Variants in GLYATL1 observed in about 807,000 individuals in gnomAD.
GLYATL1 encodes the protein glycine N-acyltransferase-like protein 1.
Under a neutral mutation model 20.0 loss-of-function variants are expected in GLYATL1, and 15 were observed. That is an observed-to-expected ratio of 0.75 (90% CI 0.50 to 1.15). The LOEUF (loss-of-function observed/expected upper bound fraction) is 1.15. Ranked by LOEUF, GLYATL1 falls within the 50% of genes most tolerant of loss-of-function variation. The pLI is 0.00. For missense variants in GLYATL1, 380 were observed against 368.5 expected, an observed-to-expected ratio of 1.03 and a Z score of -0.26; for synonymous variants, 151 against 131.5, an observed-to-expected ratio of 1.15 and a Z score of -1.01.
intron 1 of GLYATL1, among the ~76,000 whole-genome samples, chr11:58,932,110 CAAAAAAAAAA>C (rs5792141): frequency 1.6e-5 from 1 of 61,494 alleles, no homozygotes; most frequent in African/African-American, 7.1e-5. Context: ...GACCCCTTCT[CAAAAAAAAAA>C]AAAAAAAAAA....
chr11:58,956,029 CAATG>C lies in GLYATL1; in HGVS notation c.*5_*8del. The stretch of plus-strand genomic sequence containing the variant: ...CCACAGAATCTAGTTCCATTTTAGA[CAATG>C]AAGCTGCTTAGTAATCTCTGCCAAG... On this transcript the variant is annotated 3_prime_UTR_variant, in exon 7 of 7. Transcript: ENST00000532726. The C allele has an allele frequency of 1.2e-6, 2 of 1,606,450 alleles. No homozygotes were observed. The highest frequency in any genetic ancestry group is 1.7e-6 in the Non-Finnish European group (2 of 1,173,984).
upstream of GLYATL1, among the ~76,000 whole-genome samples, chr11:58,925,329 A>G (rs572829320): frequency 3.9e-5 from 6 of 152,338 alleles, no homozygotes; most frequent in East Asian, 1.2e-3. Flanking sequence ...ACTTGCTTAG[A>G]CTTTCAAAAC....
At chr11:58,937,151 C>T (rs1855872897), upstream of GLYATL1, among the ~76,000 whole-genome samples, 1 of 152,176 alleles carries the variant, frequency 6.6e-6, no homozygotes, top group South Asian at 2.1e-4. Context: ...GTTAAAACAG[C>T]TTTCTTTTGC....
intron 1 of GLYATL1, among the ~76,000 whole-genome samples, chr11:58,922,433 T>C (rs1274913890): frequency 2.0e-5 from 3 of 151,702 alleles, no homozygotes; most frequent in African/African-American, 4.9e-5. Flanking sequence ...CTCATTATAA[T>C]AGGTGGGTCC....
At chr11:58,913,906 T>C (rs1186495472) in intron 1 of GLYATL1, among the ~76,000 whole-genome samples, 1 of 152,196 alleles carries the variant, frequency 6.6e-6, no homozygotes, top group Non-Finnish European at 1.5e-5. Context: ...CTAGTGCTTG[T>C]TGACTCACTA....
upstream of GLYATL1, among the ~76,000 whole-genome samples, chr11:58,937,460 A>G (rs565512628): frequency 6.6e-6 from 1 of 152,294 alleles, no homozygotes; most frequent in African/African-American, 2.4e-5. Context: ...AAGATTTGAG[A>G]GCATGAGAGT....
intron 1 of GLYATL1, chr11:58,905,716 CGGGATGGGT>C: frequency 7.2e-6 from 1 of 139,398 alleles, no homozygotes. Flanking sequence ...TCGCTGGGAC[CGGGATGGGT>C]CATCTGGACA....
rs906414447 is a variant in GLYATL1, at chr11:58,908,378, T to C, written n.1376T>C. ...CATAGATCTTGTTTTTTTGTTTTTT[T>C]AGACATTTAAGGTGGCAGAATAAAT... is the stretch of plus-strand genomic sequence containing the variant. On this transcript the variant is annotated non_coding_transcript_exon_variant, in exon 2 of 2. Transcript: ENST00000524629. 7.2e-5 allele frequency: 11 copies of C among 153,674 alleles called. No homozygotes were observed. The South Asian group carries it at 2.3e-3, about 32-fold the overall frequency. The allele number at this position is 153,674 out of a possible 1,614,324, so 9.5% of individuals were successfully genotyped here. A position where few individuals can be genotyped will look rare whatever the true frequency, so the allele number is the denominator to read the frequency against.
intron 1 of GLYATL1, among the ~76,000 whole-genome samples, chr11:58,906,966 CT>C (rs1056843101): frequency 6.6e-6 from 1 of 152,072 alleles, no homozygotes; most frequent in Non-Finnish European, 1.5e-5. Context: ...ATGTGGAATC[CT>C]TTTTTAAAAA....
chr11:58,920,939 A>G (rs483991), intron 1 of GLYATL1, among the ~76,000 whole-genome samples: 72,801 of 152,086 alleles, frequency 0.48, 17,517 homozygotes, highest in East Asian at 0.58. Flanking sequence ...CGATGCCAAG[A>G]TCCTATGACT....
At chr11:58,929,852 C>A (rs1251426905) in intron 1 of GLYATL1, among the ~76,000 whole-genome samples, 1 of 152,218 alleles carries the variant, frequency 6.6e-6, no homozygotes, top group Admixed American at 6.5e-5. Context: ...TGCAAATGAG[C>A]TTTGCCTGGA....
At chr11:58,918,128 T>G (rs1226145450) in intron 1 of GLYATL1, among the ~76,000 whole-genome samples, 1 of 152,222 alleles carries the variant, frequency 6.6e-6, no homozygotes, top group Admixed American at 6.5e-5. Flanking sequence ...GAGTGGTGGT[T>G]GTTTTGTCTA....
downstream of GLYATL1, among the ~76,000 whole-genome samples, chr11:58,911,697 G>C (rs1271285333): frequency 6.6e-6 from 1 of 152,158 alleles, no homozygotes; most frequent in Admixed American, 6.5e-5. Flanking sequence ...ACATATTTTG[G>C]AAACAAGTCC....
intron 1 of GLYATL1, among the ~76,000 whole-genome samples, chr11:58,920,718 G>T (rs974031979): frequency 2.6e-5 from 4 of 152,182 alleles, no homozygotes; most frequent in African/African-American, 9.7e-5. Context: ...GAAGCCCTTG[G>T]TATCGAGTCA....
At chr11:58,939,944 C>T (rs1003915061) in intron 1 of GLYATL1, among the ~76,000 whole-genome samples, 6 of 152,160 alleles carry the variant, frequency 3.9e-5, no homozygotes, top group Non-Finnish European at 5.9e-5. Flanking sequence ...AGAGGAATCA[C>T]CCCAACTGTT....
At chr11:58,941,155 G>T (rs1856113721) in intron 1 of GLYATL1, among the ~76,000 whole-genome samples, 1 of 149,838 alleles carries the variant, frequency 6.7e-6, no homozygotes, top group South Asian at 2.2e-4. Flanking sequence ...TCGTCATTTA[G>T]CATTAGGTAT....
chr11:58,952,865 T>C (rs956783013), intron 4 of GLYATL1, among the ~76,000 whole-genome samples: 1 of 152,216 alleles, frequency 6.6e-6, no homozygotes, highest in Non-Finnish European at 1.5e-5. Flanking sequence ...TGGAAAGTAG[T>C]CTGGAAATTT....
At position 58,943,015 on chromosome 11, in the gene GLYATL1, A is replaced by C. The variant is rs77301454; in HGVS notation, c.-166-528A>C. On this transcript the variant is annotated intron_variant, in intron 1 of 6. Transcript: ENST00000532726. ...TGATGGTTTTAAAAAGTGTTTCAGT[A>C]GAATGGTAGCAGCAAAAACCCAATT... Among the ~76,000 whole-genome samples the C allele has an allele frequency of 2.6e-3, 395 of 152,320 alleles. 1 individual carries two copies. Among genetic ancestry groups the C allele is most frequent in the Middle Eastern group, 0.017 (5 of 294 alleles).
chr11:58,943,582 T>A lies in GLYATL1; in HGVS notation c.-127T>A, dbSNP rs1425121411. On this transcript the variant is annotated 5_prime_UTR_variant, in exon 2 of 7. Transcript: ENST00000532726. Reference sequence around the variant, plus strand: ...AGGATCTGAAGTGGAGCTTCTAGTATCCCCAGGAGCGCGAAGTGAACACGG... The same window carrying A: ...AGGATCTGAAGTGGAGCTTCTAGTAACCCCAGGAGCGCGAAGTGAACACGG... 6.2e-7 allele frequency: 1 copy of A among 1,613,582 alleles called. No individual in the cohort carries two copies. Among genetic ancestry groups the A allele is most frequent in the Non-Finnish European group, 8.5e-7 (1 of 1,179,674 alleles).
Sources: allele counts gnomAD v4.1 joint callset (sites outside exome capture counted in the v4.1 genomes callset), GRCh38; gene constraint gnomAD v4.1.1; transcripts MANE v1.5; gene names NCBI Gene and HGNC (gene_info 2026-07-23, HGNC 2026-07-21).